RYR3: variants seen among roughly 807,000 people sequenced by gnomAD.
The protein encoded by RYR3 is ryanodine receptor 3.
In RYR3, 207 loss-of-function variants were observed where a neutral mutation model predicts 584.3. The observed-to-expected ratio is 0.35, with a 90% CI of 0.32 to 0.40. The LOEUF is 0.40. Ranked by LOEUF, RYR3 falls within the 10% of genes least tolerant of loss-of-function variation. RYR3 has a pLI of 1.00. For missense variants in RYR3, 5,616 were observed against 6,089.2 expected, an observed-to-expected ratio of 0.92 and a Z score of 2.59; for synonymous variants, 2,416 against 2,248.5, an observed-to-expected ratio of 1.07 and a Z score of -2.11.
intron 69 of RYR3, among the ~76,000 whole-genome samples, chr15:33,807,029 G>A (rs1042246946): frequency 6.6e-6 from 1 of 151,982 alleles, no homozygotes; most frequent in Non-Finnish European, 1.5e-5. Flanking sequence ...GGGATGACAG[G>A]CATGAGCCAC....
chr15:33,796,688 A>G (rs1312185421), intron 67 of RYR3, among the ~76,000 whole-genome samples: 1 of 152,214 alleles, frequency 6.6e-6, no homozygotes, highest in Admixed American at 6.5e-5. Context: ...GGAAAACAGT[A>G]TGGAAATTTC....
intron 18 of RYR3, among the ~76,000 whole-genome samples, chr15:33,609,621 C>G (rs1354042666): frequency 6.6e-6 from 1 of 152,126 alleles, no homozygotes; most frequent in Non-Finnish European, 1.5e-5. Context: ...CCATTGTACT[C>G]CAGCCTGGGT....
intron 1 of RYR3, among the ~76,000 whole-genome samples, chr15:33,410,262 A>T (rs1438179641): frequency 1.3e-5 from 2 of 152,146 alleles, no homozygotes; most frequent in African/African-American, 4.8e-5. Context: ...ATTGCTCCTC[A>T]TGTATTTTTA....
chr15:33,506,468 A>G (rs966061558), intron 3 of RYR3, among the ~76,000 whole-genome samples: 3 of 152,144 alleles, frequency 2.0e-5, no homozygotes, highest in Non-Finnish European at 4.4e-5. Flanking sequence ...GAAATTTTCC[A>G]TATTGCCTTT....
chr15:33,701,115 C>A (rs368537616), intron 42 of RYR3, 35 bp downstream of exon 42: 16 of 1,460,490 alleles, frequency 1.1e-5, no homozygotes, highest in East Asian at 2.3e-5. Flanking sequence ...GTGGTGTTCT[C>A]TTCGGCCTGT....
intron 67 of RYR3, among the ~76,000 whole-genome samples, chr15:33,794,226 T>TATATATA (rs1286946046): frequency 8.1e-6 from 1 of 124,060 alleles, no homozygotes; most frequent in Non-Finnish European, 1.6e-5. Context: ...TATATAAATA[T>TATATATA]ATATAAATAT....
intron 3 of RYR3, among the ~76,000 whole-genome samples, chr15:33,523,422 AC>A (rs1393511035): frequency 2.0e-5 from 3 of 152,140 alleles, no homozygotes; most frequent in South Asian, 4.2e-4. Context: ...GAGACCACCA[AC>A]CCACCGGAAG....
At chr15:33,683,741 C>A (rs536983765) in intron 38 of RYR3, among the ~76,000 whole-genome samples, 4 of 152,252 alleles carry the variant, frequency 2.6e-5, no homozygotes, top group Non-Finnish European at 5.9e-5. Context: ...CACGGGAAGC[C>A]GTGACAGACT....
chr15:33,607,766 A>G (rs922249540), intron 18 of RYR3, among the ~76,000 whole-genome samples: 19 of 152,168 alleles, frequency 1.2e-4, no homozygotes, highest in African/African-American at 4.6e-4. Flanking sequence ...GTGTCCCGGC[A>G]AACTTTTCTA....
intron 1 of RYR3, among the ~76,000 whole-genome samples, chr15:33,471,472 C>T (rs2142201264): frequency 6.6e-6 from 1 of 151,848 alleles, no homozygotes; most frequent in East Asian, 1.9e-4. Flanking sequence ...GCAGCTACTG[C>T]AAGGTCAAAG....
Position 33,810,726 on chromosome 15 carries a change from G to A in RYR3, c.10197+77G>A, listed in dbSNP as rs2076481681. 28 of 1,571,648 alleles carry A rather than the reference G, an allele frequency of 1.8e-5. No individual in the cohort carries two copies. The South Asian group carries it at 2.9e-4, about 16-fold the overall frequency. Reference sequence around the variant, plus strand: ...TAAGCATTCAGCCCCTGAAGGGTTAGTCCTCCTCCCCTGGGGGGCGGGGAG... The same window carrying A: ...TAAGCATTCAGCCCCTGAAGGGTTAATCCTCCTCCCCTGGGGGGCGGGGAG... On this transcript the variant is annotated intron_variant, in intron 71 of 103. Coordinates refer to ENST00000634891, the MANE Select transcript of RYR3 (RefSeq NM_001036.6).
At chr15:33,543,544 T>G in intron 7 of RYR3, 78 bp from the exon 8 acceptor site, 1 of 933,784 alleles carries the variant, frequency 1.1e-6, no homozygotes, top group Non-Finnish European at 1.8e-6. Flanking sequence ...CAGACCTGTG[T>G]GAATTTACCC....
chr15:33,816,008 T>C, intron 74 of RYR3: 1 of 396,998 alleles, frequency 2.5e-6, no homozygotes, highest in East Asian at 3.6e-5. Flanking sequence ...AACGTTACCA[T>C]AAGAACACGA....
intron 1 of RYR3, among the ~76,000 whole-genome samples, chr15:33,410,456 TG>T (rs2043322631): frequency 6.6e-6 from 1 of 152,244 alleles, no homozygotes; most frequent in African/African-American, 2.4e-5. Context: ...ACAAACTTTT[TG>T]TCACTAAAGG....
At chr15:33,450,519 G>A (rs754881243) in intron 1 of RYR3, among the ~76,000 whole-genome samples, 1 of 151,950 alleles carries the variant, frequency 6.6e-6, no homozygotes, top group Non-Finnish European at 1.5e-5. Context: ...AGACAAAACT[G>A]TTTGGAGCAG....
At chr15:33,550,394 A>G (rs760903149) in intron 10 of RYR3, 78 bp downstream of exon 10, 6 of 1,379,598 alleles carry the variant, frequency 4.3e-6, no homozygotes, top group Non-Finnish European at 5.9e-6. Context: ...CTATAACTGG[A>G]AAAGAAAGTA....
intron 85 of RYR3, among the ~76,000 whole-genome samples, chr15:33,829,758 A>C (rs1326865982): frequency 1.3e-5 from 2 of 152,074 alleles, no homozygotes; most frequent in Non-Finnish European, 2.9e-5. Flanking sequence ...TCTCAAAAAA[A>C]AAAAAAAAAA....
chr15:33,607,674 C>T (rs983393346), intron 18 of RYR3, among the ~76,000 whole-genome samples: 6 of 152,106 alleles, frequency 3.9e-5, no homozygotes, highest in African/African-American at 1.4e-4. Context: ...TTTTAAATCA[C>T]TTTTTGGATT....
chr15:33,744,412 C>T (rs1273249772), intron 52 of RYR3, among the ~76,000 whole-genome samples: 1 of 152,182 alleles, frequency 6.6e-6, no homozygotes, highest in African/African-American at 2.4e-5. Context: ...ATACATGCTG[C>T]TCACCAGTAC....
Sources: allele counts gnomAD v4.1 joint callset (sites outside exome capture counted in the v4.1 genomes callset), GRCh38; gene constraint gnomAD v4.1.1; transcripts MANE v1.5; gene names NCBI Gene and HGNC (gene_info 2026-07-23, HGNC 2026-07-21).